HERC6: variants seen among roughly 807,000 people sequenced by gnomAD.
HERC6 encodes probable E3 ubiquitin-protein ligase HERC6.
Under a neutral mutation model 114.5 loss-of-function variants are expected in HERC6, and 101 were observed. The observed-to-expected ratio is 0.88, with a 90% CI of 0.75 to 1.04. The LOEUF (loss-of-function observed/expected upper bound fraction) is 1.04, where lower values mean the gene tolerates loss of function less well. Ranked by LOEUF, HERC6 falls within the 50% of genes least tolerant of loss-of-function variation. The pLI, the probability that HERC6 is intolerant of heterozygous loss-of-function variation, is 0.00. For missense variants in HERC6, 1,133 were observed against 1,230.9 expected (o/e 0.92, Z 1.19); for synonymous variants, 408 against 436.2 (o/e 0.94, Z 0.81).
At chr4:88,426,949 A>G (rs1444004101) in intron 15 of HERC6, among the ~76,000 whole-genome samples, 1 of 152,156 alleles carries the variant, frequency 6.6e-6, no homozygotes, top group Admixed American at 6.5e-5. Flanking sequence ...TCCCTTAAAC[A>G]AGACCTTCCC....
At chr4:88,407,163 C>T (rs1377373877) in intron 10 of HERC6, among the ~76,000 whole-genome samples, 4 of 152,118 alleles carry the variant, frequency 2.6e-5, no homozygotes, top group South Asian at 2.1e-4. Context: ...CTGCAGCCTC[C>T]GCCTCGTGGG....
At chr4:88,392,782 T>C (rs1460816876) in intron 4 of HERC6, among the ~76,000 whole-genome samples, 1 of 152,058 alleles carries the variant, frequency 6.6e-6, no homozygotes, top group Non-Finnish European at 1.5e-5. Flanking sequence ...CCTTACTAAA[T>C]GGCAGCCTTG....
intron 20 of HERC6, among the ~76,000 whole-genome samples, chr4:88,438,747 A>T (rs556704633): frequency 4.6e-5 from 7 of 152,308 alleles, no homozygotes; most frequent in African/African-American, 1.7e-4. Context: ...CCACAGTGGG[A>T]ATATTAACAC....
rs61752312 is a variant in HERC6 at position 88,417,579 on chromosome 4, G to T, written c.1713G>T (p.Lys571Asn). 4,769 of 1,611,376 alleles carry T rather than the reference G, an allele frequency of 3.0e-3. 56 individuals carry two copies. The highest frequency in any genetic ancestry group is 2.0e-3 in the Non-Finnish European group (2,395 of 1,178,652). ...ALLGMMKELH[K>N]VNKANCRLPE... ...TAGGAATGATGAAAGAACTGCATAAGGTAAGGGTTACTCTAAAGGAATGCA... is the reference window on the plus strand; with the variant it reads ...TAGGAATGATGAAAGAACTGCATAATGTAAGGGTTACTCTAAAGGAATGCA... The change falls in exon 13 of 23, where the codon AAG (lysine) becomes AAT (asparagine). Residue 571 changes from lysine to asparagine, a missense_variant and splice_region_variant. Physicochemically the swap from Lys to Asn is moderately conservative, Grantham distance 94 (BLOSUM62 0). Transcript: ENST00000264346.
At chr4:88,431,869 C>T (rs781096642) in intron 17 of HERC6, among the ~76,000 whole-genome samples, 7 of 152,214 alleles carry the variant, frequency 4.6e-5, no homozygotes, top group East Asian at 3.9e-4. Context: ...TGAGCCACCA[C>T]GCTCAGCTGA....
chr4:88,381,065 T>C (rs987090032), intron 1 of HERC6, among the ~76,000 whole-genome samples: 1 of 152,142 alleles, frequency 6.6e-6, no homozygotes, highest in Non-Finnish European at 1.5e-5. Context: ...CCATAATTAT[T>C]CTCTTTTTGT....
intron 10 of HERC6, among the ~76,000 whole-genome samples, chr4:88,407,855 A>G (rs1735886978): frequency 6.6e-6 from 1 of 152,240 alleles, no homozygotes; most frequent in African/African-American, 2.4e-5. Flanking sequence ...TCTGAGAGGA[A>G]AGACCAGTTC....
chr4:88,404,827 C>T (rs777903023), intron 8 of HERC6, 49 bp from the exon 9 acceptor site: 6 of 1,602,740 alleles, frequency 3.7e-6, no homozygotes, highest in Non-Finnish European at 5.1e-6. Context: ...TAATTTACTA[C>T]TGAACGTGTG....
Position 88,413,259 on chromosome 4 carries a change from A to C in HERC6, c.1551A>C (p.Gln517His). ...AVCEMSKQSLQVLKKCWAFLQ... is the reference protein window; with the variant it reads ...AVCEMSKQSLHVLKKCWAFLQ... ...GTGAAATGAGTAAACAATCTTTGCA[A>C]GTCCTAAGTAAGTTTTATGTCACTT... Residue 517 changes from glutamine (Q) to histidine (H), a missense_variant, in exon 12 of 23, where the codon CAA becomes CAC. Transcript: ENST00000264346. The C allele has an allele frequency of 1.2e-6, 2 of 1,610,910 alleles. No individual in the cohort carries two copies. Among genetic ancestry groups the C allele is most frequent in the Non-Finnish European group, 1.7e-6 (2 of 1,178,570 alleles).
chr4:88,393,792 A>G (rs77830008), intron 5 of HERC6, among the ~76,000 whole-genome samples: 6,033 of 152,228 alleles, frequency 0.04, 420 homozygotes, highest in African/African-American at 0.14. Flanking sequence ...AGCAGATTTG[A>G]TGTCTGATGA....
chr4:88,407,676 G>A (rs1578388957), intron 10 of HERC6, among the ~76,000 whole-genome samples: 1 of 152,018 alleles, frequency 6.6e-6, no homozygotes, highest in African/African-American at 2.4e-5. Context: ...CTCCCAAAGT[G>A]TTGGAATTAC....
rs1271653948 is a variant in HERC6, at chr4:88,435,767, T to C, written c.2293T>C (p.Cys765Arg). 1 of 1,606,242 alleles carries C rather than the reference T, an allele frequency of 6.2e-7. No individual in the cohort carries two copies. Among genetic ancestry groups the C allele is most frequent in the Non-Finnish European group, 8.5e-7 (1 of 1,175,706 alleles). The part of the protein sequence containing the change: ...KKRYFLFGML[C>R]GLSLFNLNVA... Reference sequence around the variant, plus strand: ...AAGATATTTCCTCTTTGGAATGCTGTGTGGACTCTCCTTATTCAATTTAAA... The same window carrying C: ...AAGATATTTCCTCTTTGGAATGCTGCGTGGACTCTCCTTATTCAATTTAAA... The change falls in exon 18 of 23, where the codon TGT becomes CGT. Residue 765 changes from cysteine to arginine, a missense_variant. This residue lies in a region of HERC6 where 388 missense variants were observed against 445.9 expected (regional missense o/e 0.87). Coordinates refer to ENST00000264346, the MANE Select transcript of HERC6 (RefSeq NM_017912.4).
At chr4:88,420,022 G>GCT (rs372434354) in intron 13 of HERC6, among the ~76,000 whole-genome samples, 20 of 148,438 alleles carry the variant, frequency 1.3e-4, no homozygotes, top group Admixed American at 1.0e-3. Flanking sequence ...CTCTCCCTCT[G>GCT]CTCTCTCTCT....
In HERC6 at chr4:88,390,806, T is replaced by A. The variant is rs1734874890; in HGVS notation, c.591T>A (p.Ser197=). 1 of 1,614,030 alleles carries A rather than the reference T, an allele frequency of 6.2e-7. No individual in the cohort carries two copies. Among genetic ancestry groups the A allele is most frequent in the Non-Finnish European group, 8.5e-7 (1 of 1,180,016 alleles). ...AAGGAHSFAL[S]LCGTSFGWGS... is the part of the protein sequence containing the mutation. ...GAGGGGCTCACAGCTTTGCCCTGTC[T>A]CTCTGTGGGACTTCGTTTGGCTGGG... Residue 197 remains serine, a synonymous_variant, in exon 4 of 23, where the codon TCT becomes TCA. Coordinates refer to ENST00000264346, the MANE Select transcript of HERC6 (RefSeq NM_017912.4).
intron 19 of HERC6, 69 bp from the exon 20 acceptor site, chr4:88,437,642 A>T (rs1738894968): frequency 3.2e-6 from 3 of 932,366 alleles, no homozygotes; most frequent in Non-Finnish European, 3.4e-6. Context: ...TTGGCAATAA[A>T]GATATTATGG....
chr4:88,408,455 G>A, intron 10 of HERC6, 69 bp from the exon 11 acceptor site: 1 of 935,766 alleles, frequency 1.1e-6, no homozygotes, highest in Non-Finnish European at 1.7e-6. Flanking sequence ...AGCAACAAAT[G>A]ACATACAAAC....
chr4:88,388,972 G>C (rs749337222), intron 3 of HERC6, among the ~76,000 whole-genome samples: 19 of 152,210 alleles, frequency 1.2e-4, no homozygotes, highest in African/African-American at 4.6e-4. Flanking sequence ...ATATTGGTTT[G>C]GTACCCCTTC....
At position 88,417,333 on chromosome 4, in the gene HERC6, A is replaced by T. The variant is rs542939901; in HGVS notation, c.1559-92A>T. 2.4e-5 allele frequency: 27 copies of T among 1,114,070 alleles called. No individual in the cohort carries two copies. In the African/African-American group the frequency reaches 3.5e-4, roughly 14 times the overall value. The allele number at this position is 1,114,070 out of a possible 1,614,324, so 69.0% of individuals were successfully genotyped here. A position where few individuals can be genotyped will look rare whatever the true frequency, so the allele number is the denominator to read the frequency against. On this transcript the variant is annotated intron_variant, in intron 12 of 22. Coordinates refer to ENST00000264346, the MANE Select transcript of HERC6 (RefSeq NM_017912.4). ...TATGCCATCAGAAATGTAAAATATT[A>T]TCTATTTCTTACATTAAAGAACCCA...
intron 3 of HERC6, among the ~76,000 whole-genome samples, chr4:88,388,933 T>C (rs1318736341): frequency 1.3e-5 from 2 of 152,188 alleles, no homozygotes; most frequent in Non-Finnish European, 2.9e-5. Flanking sequence ...ATAGCCATCT[T>C]GAAATATGTT....
Sources: gnomAD v4.1 joint callset for allele counts (sites outside exome capture counted in the v4.1 genomes callset) on GRCh38, gnomAD v4.1.1 for gene constraint, gnomAD v4.1.1 regional missense constraint, MANE v1.5 for transcripts, NCBI Gene and HGNC (gene_info 2026-07-23, HGNC 2026-07-21) for gene names.